The following PHACTR1 variants were observed in gnomAD, a reference collection of about 807,000 sequenced individuals.
The protein encoded by PHACTR1 is phosphatase and actin regulator 1, also known as RPEL repeat containing 1.
A neutral mutation model predicts 69.2 loss-of-function variants in PHACTR1; 16 were observed. The observed-to-expected ratio is 0.23, with a 90% CI of 0.16 to 0.35. The LOEUF (loss-of-function observed/expected upper bound fraction) is 0.35. Among genes scored for constraint, PHACTR1 ranks in the 10% least tolerant of loss-of-function variants. PHACTR1 has a pLI of 1.00. For synonymous variants in PHACTR1, 312 were observed against 284.5 expected, an observed-to-expected ratio of 1.10 and a Z score of -0.97; for missense variants, 510 against 734.7, an observed-to-expected ratio of 0.69 and a Z score of 3.54.
chr6:12,828,669 G>A (rs1286222790), intron 4 of PHACTR1, among the ~76,000 whole-genome samples: 14 of 151,834 alleles, frequency 9.2e-5, no homozygotes, highest in South Asian at 2.1e-4. Context: ...CTTTATCTTC[G>A]TTTTCTTTTT....
chr6:12,887,447 G>A lies in PHACTR1; in HGVS notation c.250+137657G>A, dbSNP rs537399209. ...CTTACTTGCGAACTGAAAACCTGCCGGCTAAGCTAAGCACTCATAGCCTCT... is the reference window on the plus strand; with the variant it reads ...CTTACTTGCGAACTGAAAACCTGCCAGCTAAGCTAAGCACTCATAGCCTCT... On this transcript the variant is annotated intron_variant, in intron 4 of 14. Coordinates refer to ENST00000332995, the MANE Select transcript of PHACTR1 (RefSeq NM_030948.6). Among the ~76,000 whole-genome samples the A allele has an allele frequency of 2.3e-4, 35 of 152,174 alleles. 1 individual carries two copies. The South Asian group carries it at 3.7e-3, about 16-fold the overall frequency.
At chr6:12,934,953 C>A (rs1789276445) in intron 4 of PHACTR1, among the ~76,000 whole-genome samples, 1 of 152,188 alleles carries the variant, frequency 6.6e-6, no homozygotes, top group Admixed American at 6.5e-5. Context: ...TCTCTATTTT[C>A]AATCCCAGCT....
At chr6:12,850,173 T>G (rs1779685495) in intron 4 of PHACTR1, among the ~76,000 whole-genome samples, 1 of 152,226 alleles carries the variant, frequency 6.6e-6, no homozygotes, top group Non-Finnish European at 1.5e-5. Flanking sequence ...TACTCCCTAT[T>G]CTTATCCCAA....
At chr6:12,819,738 A>C (rs1775992258) in intron 4 of PHACTR1, among the ~76,000 whole-genome samples, 1 of 152,200 alleles carries the variant, frequency 6.6e-6, no homozygotes, top group African/African-American at 2.4e-5. Flanking sequence ...AGAATCATTC[A>C]AAGCAGTGAG....
At chr6:12,774,477 C>T (rs1231533501) in intron 4 of PHACTR1, among the ~76,000 whole-genome samples, 4 of 152,106 alleles carry the variant, frequency 2.6e-5, no homozygotes, top group South Asian at 2.1e-4. Flanking sequence ...CTGCACCCCC[C>T]GCCTCCAGGG....
intron 4 of PHACTR1, among the ~76,000 whole-genome samples, chr6:12,855,200 CA>C (rs1366799538): frequency 6.6e-6 from 1 of 152,192 alleles, no homozygotes; most frequent in East Asian, 1.9e-4. Context: ...AAATACTACA[CA>C]GCCATAAAAA....
intron 4 of PHACTR1, among the ~76,000 whole-genome samples, chr6:12,973,761 C>T (rs1156531562): frequency 1.3e-5 from 2 of 152,132 alleles, no homozygotes; most frequent in Non-Finnish European, 2.9e-5. Context: ...CTTGACTGTT[C>T]TGACCAAAGG....
At chr6:13,270,713 G>C (rs1223397) in intron 10 of PHACTR1, among the ~76,000 whole-genome samples, 28,765 of 152,138 alleles carry the variant, frequency 0.19, 2,822 homozygotes, top group South Asian at 0.33. Flanking sequence ...GGTGCTATAG[G>C]CTTTATAAGC....
intron 4 of PHACTR1, among the ~76,000 whole-genome samples, chr6:12,829,513 G>A (rs777303218): frequency 3.9e-5 from 6 of 152,164 alleles, no homozygotes; most frequent in South Asian, 4.1e-4. Context: ...CTTTAGAAAC[G>A]TTGACTGGCA....
intron 4 of PHACTR1, among the ~76,000 whole-genome samples, chr6:12,904,922 G>A (rs1247530405): frequency 1.3e-5 from 2 of 152,164 alleles, no homozygotes; most frequent in East Asian, 3.8e-4. Context: ...GGCATGCAGT[G>A]AGCACTCAGC....
At chr6:12,933,695 C>T (rs541773430) in intron 4 of PHACTR1, 9 of 1,612,810 alleles carry the variant, frequency 5.6e-6, no homozygotes, top group South Asian at 4.4e-5. Flanking sequence ...AACTCTTGGG[C>T]GTCCTCTTGG....
At chr6:12,784,549 A>T (rs145018695) in intron 4 of PHACTR1, among the ~76,000 whole-genome samples, 3 of 151,332 alleles carry the variant, frequency 2.0e-5, no homozygotes, top group Non-Finnish European at 4.4e-5. Context: ...ATATACACAC[A>T]TATATATCTA....
In PHACTR1 at chr6:13,287,386, TC is replaced by T. The variant is rs1235134759; in HGVS notation, c.*310del. The T allele has an allele frequency of 2.4e-6, 1 of 412,248 alleles. No individual in the cohort carries two copies. 25.5% of individuals were successfully genotyped at this position (412,248 alleles called of 1,614,324 possible). On this transcript the variant is annotated 3_prime_UTR_variant, in exon 15 of 15. Transcript: ENST00000332995. ...GGCAGGTGGAACGGTCCTTGTCCTCTCCAGCCAGGCCCAGCAGGCACTACCT... is the reference window on the plus strand; with the variant it reads ...GGCAGGTGGAACGGTCCTTGTCCTCTCAGCCAGGCCCAGCAGGCACTACCT...
intron 5 of PHACTR1, among the ~76,000 whole-genome samples, chr6:13,078,947 G>A (rs1340350387): frequency 1.3e-5 from 2 of 152,156 alleles, no homozygotes; most frequent in Non-Finnish European, 2.9e-5. Flanking sequence ...GCTGTTTGGG[G>A]GGGTCTAGCT....
At chr6:12,838,721 T>C (rs975788451) in intron 4 of PHACTR1, among the ~76,000 whole-genome samples, 2 of 152,184 alleles carry the variant, frequency 1.3e-5, no homozygotes. Flanking sequence ...TACAAAATAA[T>C]TTCATTCAAT....
intron 5 of PHACTR1, among the ~76,000 whole-genome samples, chr6:13,084,221 G>A (rs569982976): frequency 6.6e-6 from 1 of 152,024 alleles, no homozygotes; most frequent in East Asian, 1.9e-4. Context: ...CATGTCCTTT[G>A]TAGGGGCATG....
intron 4 of PHACTR1, among the ~76,000 whole-genome samples, chr6:13,010,952 A>T (rs1799386206): frequency 6.6e-6 from 1 of 152,224 alleles, no homozygotes; most frequent in Non-Finnish European, 1.5e-5. Context: ...CTGCCTGCTG[A>T]GGCAAGGAGG....
chr6:12,767,180 C>T (rs774797302), intron 4 of PHACTR1, among the ~76,000 whole-genome samples: 8 of 152,208 alleles, frequency 5.3e-5, no homozygotes, highest in Non-Finnish European at 1.5e-5. Flanking sequence ...AATACATTAA[C>T]TCTGTTTGCA....
intron 8 of PHACTR1, among the ~76,000 whole-genome samples, chr6:13,208,627 G>GCCCC (rs138524215): frequency 4.2e-5 from 6 of 141,424 alleles, no homozygotes; most frequent in Middle Eastern, 3.6e-3. Flanking sequence ...CGTCATTGCT[G>GCCCC]CCCACCCCCC....
Sources: gnomAD v4.1 joint callset for allele counts (sites outside exome capture counted in the v4.1 genomes callset) on GRCh38, gnomAD v4.1.1 for gene constraint, MANE v1.5 for transcripts, NCBI Gene and HGNC (gene_info 2026-07-23, HGNC 2026-07-21) for gene names.